LRRC20: variants seen among roughly 807,000 people sequenced by gnomAD.
LRRC20 encodes leucine rich repeat containing 20.
A neutral mutation model predicts 14.4 loss-of-function variants in LRRC20; 11 were observed. The ratio of observed to expected loss-of-function variants is 0.77; its 90% CI spans 0.48 to 1.27. The LOEUF (loss-of-function observed/expected upper bound fraction) is 1.27, where lower values mean the gene tolerates loss of function less well. Ranked by LOEUF, LRRC20 falls within the 50% of genes most tolerant of loss-of-function variation. The probability of loss-of-function intolerance (pLI) is 0.00; values close to 1 mark genes in which losing one functional copy is unlikely to be tolerated. For missense variants in LRRC20, 219 were observed against 251.2 expected (o/e 0.87, Z 0.87); for synonymous variants, 121 against 107.3 (o/e 1.13, Z -0.79).
At chr10:70,302,138 C>A (rs764749213) in intron 4 of LRRC20, among the ~76,000 whole-genome samples, 12 of 151,986 alleles carry the variant, frequency 7.9e-5, no homozygotes, top group Non-Finnish European at 1.6e-4. Context: ...CTGGTGAAAC[C>A]CCATCTCTAC....
chr10:70,372,397 T>C (rs1052140051), intron 2 of LRRC20, among the ~76,000 whole-genome samples: 1 of 152,092 alleles, frequency 6.6e-6, no homozygotes, highest in African/African-American at 2.4e-5. Context: ...GCATTCTTGA[T>C]GTTTTCCAGT....
At chr10:70,322,754 G>A (rs1842136190) in intron 4 of LRRC20, among the ~76,000 whole-genome samples, 1 of 152,104 alleles carries the variant, frequency 6.6e-6, no homozygotes. Context: ...CAGTCTCACT[G>A]TGCAACCCGA....
intron 4 of LRRC20, among the ~76,000 whole-genome samples, chr10:70,322,638 C>T (rs1014207239): frequency 1.3e-5 from 2 of 152,148 alleles, no homozygotes; most frequent in Non-Finnish European, 2.9e-5. Flanking sequence ...GAGCATAAGA[C>T]TGAACCACAG....
intron 4 of LRRC20, among the ~76,000 whole-genome samples, chr10:70,314,214 AACC>A (rs1841776891): frequency 6.6e-6 from 1 of 152,104 alleles, no homozygotes; most frequent in Non-Finnish European, 1.5e-5. Context: ...GACACAGCCA[AACC>A]ATATCAACCA....
chr10:70,366,550 A>G (rs1359208200), intron 2 of LRRC20, among the ~76,000 whole-genome samples: 1 of 152,234 alleles, frequency 6.6e-6, no homozygotes, highest in African/African-American at 2.4e-5. Flanking sequence ...AAATCAAACT[A>G]CAATGAGATA....
intron 3 of LRRC20, among the ~76,000 whole-genome samples, chr10:70,337,882 T>C (rs1842771908): frequency 6.6e-6 from 1 of 152,154 alleles, no homozygotes; most frequent in Non-Finnish European, 1.5e-5. Context: ...GAAGGTCTAA[T>C]GAAGTAAAAG....
intron 1 of LRRC20, 28 bp downstream of exon 1, chr10:70,382,521 G>T (rs1213650849): frequency 6.6e-6 from 1 of 152,284 alleles, no homozygotes; most frequent in Non-Finnish European, 1.5e-5. Context: ...GTGTGGTCCC[G>T]CTCCGGGCCG....
intron 2 of LRRC20, among the ~76,000 whole-genome samples, chr10:70,364,595 C>G (rs1302595037): frequency 6.6e-6 from 1 of 152,222 alleles, no homozygotes; most frequent in Non-Finnish European, 1.5e-5. Flanking sequence ...AAGCCTTGGT[C>G]AGAACACCCA....
chr10:70,321,761 T>C (rs751323658), intron 4 of LRRC20, among the ~76,000 whole-genome samples: 30 of 152,218 alleles, frequency 2.0e-4, no homozygotes, highest in Non-Finnish European at 4.0e-4. Flanking sequence ...GATGTCTCTC[T>C]TACCTGGCCA....
At chr10:70,334,152 A>G (rs1455196630) in intron 3 of LRRC20, among the ~76,000 whole-genome samples, 2 of 150,292 alleles carry the variant, frequency 1.3e-5, no homozygotes, top group Non-Finnish European at 3.0e-5. Flanking sequence ...TCCATCTTAA[A>G]AAAAAAAAAA....
In LRRC20 at chr10:70,303,613, C is replaced by A. The variant is rs181752283; in HGVS notation, c.401-2105G>T. Among the ~76,000 whole-genome samples the A allele has an allele frequency of 1.4e-3, 219 of 152,318 alleles. 1 individual carries two copies. The highest frequency in any genetic ancestry group is 6.8e-3 in the Middle Eastern group (2 of 294). On this transcript the variant is annotated intron_variant, in intron 4 of 4. Transcript: ENST00000446961. Reference sequence around the variant, plus strand: ...AGATACTAGGGCATTTTCCAACACTCATCAAAAATGCCACAGTGTAATAAA... The same window carrying A: ...AGATACTAGGGCATTTTCCAACACTAATCAAAAATGCCACAGTGTAATAAA...
intron 3 of LRRC20, among the ~76,000 whole-genome samples, chr10:70,329,090 T>C (rs4747001): frequency 0.55 from 83,203 of 151,972 alleles, 22,899 homozygotes; most frequent in African/African-American, 0.59. Flanking sequence ...GCCAACACAG[T>C]CTCCACTTAC....
rs114204781 is a variant in LRRC20, at chr10:70,374,995, G to A, written c.82+1457C>T. Among the ~76,000 whole-genome samples the A allele has an allele frequency of 8.2e-3, 1,242 of 152,222 alleles. 16 individuals carry two copies. The highest frequency in any genetic ancestry group is 0.046 in the South Asian group (223 of 4,816). ...GGTTAAGCAATCTGCTACAGTACCA[G>A]GTGAGTGGGTGGCAGAGTAGAGATT... is the stretch of plus-strand genomic sequence containing the variant. On this transcript the variant is annotated intron_variant, in intron 2 of 4. Transcript: ENST00000446961.
chr10:70,372,680 G>A (rs2137161252), intron 2 of LRRC20, among the ~76,000 whole-genome samples: 1 of 152,046 alleles, frequency 6.6e-6, no homozygotes, highest in Admixed American at 6.5e-5. Flanking sequence ...CTGACCTTGT[G>A]ATCCGCCCGC....
rs143565424 is a variant in LRRC20, at chr10:70,301,417, G to A, written c.492C>T (p.Ala164=). The A allele has an allele frequency of 1.9e-5, 31 of 1,613,738 alleles. No homozygotes were observed. In the African/African-American group the frequency reaches 3.9e-4, roughly 20 times the overall value. ...GCATGTCAAACTTGATGAGCGGCGG[G>A]GCGATCACGCGCACCTCGGCGTTGA... ...NPLNAEVRVI[A]PPLIKFDMLM... is the part of the protein sequence containing the mutation. Residue 164 remains alanine (A), a synonymous_variant, in exon 5 of 5, where the codon GCC becomes GCT. Coordinates refer to ENST00000446961, the MANE Select transcript of LRRC20 (RefSeq NM_001278212.2).
At chr10:70,317,665 C>T (rs1047865381) in intron 4 of LRRC20, among the ~76,000 whole-genome samples, 2 of 152,186 alleles carry the variant, frequency 1.3e-5, no homozygotes, top group Non-Finnish European at 2.9e-5. Context: ...AGGCGTGAGC[C>T]CCCAGGTCCA....
intron 2 of LRRC20, among the ~76,000 whole-genome samples, chr10:70,341,182 C>T (rs942596995): frequency 1.4e-4 from 21 of 152,230 alleles, no homozygotes; most frequent in Non-Finnish European, 5.9e-5. Flanking sequence ...AGGCAAGCCT[C>T]GTACAAGCAG....
chr10:70,346,712 G>A (rs1843084286), intron 2 of LRRC20, among the ~76,000 whole-genome samples: 3 of 152,104 alleles, frequency 2.0e-5, no homozygotes, highest in African/African-American at 7.2e-5. Flanking sequence ...TAACCAGAAT[G>A]CTAACAGTGG....
chr10:70,357,527 A>G (rs1266532394), intron 2 of LRRC20, among the ~76,000 whole-genome samples: 1 of 152,200 alleles, frequency 6.6e-6, no homozygotes, highest in Non-Finnish European at 1.5e-5. Context: ...TTATTTGAGA[A>G]TCTGACAAAG....
Sources: gnomAD v4.1 joint callset for allele counts (sites outside exome capture counted in the v4.1 genomes callset) on GRCh38, gnomAD v4.1.1 for gene constraint, MANE v1.5 for transcripts, NCBI Gene and HGNC (gene_info 2026-07-23, HGNC 2026-07-21) for gene names.